The following HK2 variants were observed in gnomAD, a reference collection of about 807,000 sequenced individuals.
HK2 encodes the protein hexokinase-2.
A neutral mutation model predicts 92.9 loss-of-function variants in HK2; 42 were observed. The observed-to-expected ratio is 0.45, with a 90% CI of 0.35 to 0.58. The LOEUF (loss-of-function observed/expected upper bound fraction) is 0.58, where lower values mean the gene tolerates loss of function less well. Ranked by LOEUF, HK2 falls within the 20% of genes least tolerant of loss-of-function variation. The pLI is 0.00. For synonymous variants in HK2, 422 were observed against 468.0 expected (o/e 0.90, Z 1.27); for missense variants, 978 against 1,245.1 (o/e 0.79, Z 3.23).
intron 1 of HK2, among the ~76,000 whole-genome samples, chr2:74,851,537 C>CT (rs1208816808): frequency 6.6e-6 from 1 of 152,152 alleles, no homozygotes; most frequent in Non-Finnish European, 1.5e-5. Context: ...GTAGAATTTG[C>CT]TTTTTTGTGT....
At chr2:74,850,821 T>G (rs538007477) in intron 1 of HK2, among the ~76,000 whole-genome samples, 76 of 152,280 alleles carry the variant, frequency 5.0e-4, no homozygotes, top group Non-Finnish European at 1.0e-3. Context: ...ACTGGTGTGT[T>G]TAGGAAACTG....
rs1689620872 is a variant in HK2, at chr2:74,889,462, T to C, written c.2593T>C (p.Tyr865His). ...KVTVGVDGTL[Y>H]KLHPHFAKVM... Reference sequence around the variant, plus strand: ...GACAGTGGGTGTGGATGGGACCCTCTACAAGCTACATCCTCAGTGAGTGCC... The same window carrying C: ...GACAGTGGGTGTGGATGGGACCCTCCACAAGCTACATCCTCAGTGAGTGCC... The change falls in exon 17 of 18, where the codon TAC (tyrosine) becomes CAC (histidine). Residue 865 changes from tyrosine to histidine, a missense_variant. By Grantham distance (83) the Tyr-to-His change is moderately conservative. Coordinates refer to ENST00000290573, the MANE Select transcript of HK2 (RefSeq NM_000189.5). 1 of 1,609,436 alleles carries C rather than the reference T, an allele frequency of 6.2e-7. No homozygotes were observed. Among genetic ancestry groups the C allele is most frequent in the Non-Finnish European group, 8.5e-7 (1 of 1,177,094 alleles).
intron 2 of HK2, among the ~76,000 whole-genome samples, chr2:74,865,189 A>G (rs1390838448): frequency 6.6e-6 from 1 of 151,990 alleles, no homozygotes; most frequent in Non-Finnish European, 1.5e-5. Flanking sequence ...TGCAGGGAGG[A>G]GGGGTGTCAG....
At chr2:74,886,225 C>A in intron 13 of HK2, 69 bp from the exon 14 acceptor site, 3 of 1,067,504 alleles carry the variant, frequency 2.8e-6, no homozygotes, top group South Asian at 2.5e-5. Flanking sequence ...GTAAATCTCC[C>A]ATGCAATTGT....
Position 74,886,546 on chromosome 2 carries a change from G to C in HK2, c.2092G>C (p.Gly698Arg), listed in dbSNP as rs774046795. The C allele has an allele frequency of 6.2e-7, 1 of 1,614,028 alleles. No homozygotes were observed. The highest frequency in any genetic ancestry group is 1.7e-5 in the Admixed American group (1 of 60,000). The change falls in exon 15 of 18, where the codon GGA becomes CGA. Residue 698 changes from glycine to arginine, a missense_variant. Transcript: ENST00000290573. ...EEMRNVELVE[G>R]EEGRMCVNME... ...GATGCGCAACGTGGAACTGGTGGAA[G>C]GAGAAGAGGGGCGGATGTGTGTGAA...
intron 3 of HK2, among the ~76,000 whole-genome samples, chr2:74,869,052 C>T (rs2103943029): frequency 6.6e-6 from 1 of 151,808 alleles, no homozygotes; most frequent in South Asian, 2.1e-4. Context: ...GCTCAGACCA[C>T]CTAGTTAGAG....
At chr2:74,882,047 G>A in intron 11 of HK2, 73 bp from the exon 12 acceptor site, 1 of 1,490,300 alleles carries the variant, frequency 6.7e-7, no homozygotes, top group Non-Finnish European at 9.4e-7. Flanking sequence ...CATTGATGTT[G>A]TGCGCAGGCC....
intron 13 of HK2, 29 bp downstream of exon 13, chr2:74,885,618 G>A (rs1305453974): frequency 2.9e-6 from 4 of 1,398,790 alleles, no homozygotes; most frequent in African/African-American, 1.4e-5. Context: ...GAGGTCTGAT[G>A]TGTCAGCTCC....
chr2:74,835,523 C>G (rs1471197260), intron 1 of HK2, among the ~76,000 whole-genome samples: 2 of 151,916 alleles, frequency 1.3e-5, no homozygotes, highest in Admixed American at 1.3e-4. Flanking sequence ...TATGGCTGAG[C>G]GCTCACCGCG....
chr2:74,872,339 G>T lies in HK2; in HGVS notation c.415G>T (p.Asp139Tyr), dbSNP rs1188237779. The change falls in exon 4 of 18, where the codon GAT (aspartate) becomes TAT (tyrosine). Residue 139 changes from aspartate (D) to tyrosine (Y), a missense_variant. By Grantham distance (160) the Asp-to-Tyr change is radical (BLOSUM62 -3). Coordinates refer to ENST00000290573, the MANE Select transcript of HK2 (RefSeq NM_000189.5). ...HIAECLANFMDKLQIKDKKLP... is the reference protein window; with the variant it reads ...HIAECLANFMYKLQIKDKKLP... ...TGCCGAATGCCTGGCTAACTTCATGGATAAGCTACAAATCAAAGACAAGAA... is the reference window on the plus strand; with the variant it reads ...TGCCGAATGCCTGGCTAACTTCATGTATAAGCTACAAATCAAAGACAAGAA... 20 of 1,613,974 alleles carry T rather than the reference G, an allele frequency of 1.2e-5. No homozygotes were observed. The South Asian group carries it at 2.0e-4, about 16-fold the overall frequency.
intron 2 of HK2, among the ~76,000 whole-genome samples, chr2:74,857,603 G>A (rs1018373419): frequency 3.3e-5 from 5 of 152,040 alleles, no homozygotes; most frequent in Non-Finnish European, 4.4e-5. Context: ...CCGAAGTTGC[G>A]CCACTGCACT....
At chr2:74,835,056 C>G (rs1474192675) in intron 1 of HK2, 1 of 274,556 alleles carries the variant, frequency 3.6e-6, no homozygotes, top group Non-Finnish European at 7.1e-6. Flanking sequence ...GAGGCTGCTC[C>G]GCTGCCGCGT....
intron 4 of HK2, 53 bp downstream of exon 4, chr2:74,872,472 T>G: frequency 6.2e-7 from 1 of 1,608,716 alleles, no homozygotes; most frequent in South Asian, 1.1e-5. Context: ...CTGGGAGGGC[T>G]GAGAGGGACT....
chr2:74,878,292 A>G (rs1009253001), intron 8 of HK2, among the ~76,000 whole-genome samples: 1 of 152,220 alleles, frequency 6.6e-6, no homozygotes. Context: ...CTCCCCTAAC[A>G]CAAGCAGATG....
intron 7 of HK2, 35 bp downstream of exon 7, chr2:74,874,484 G>A (rs928342968): frequency 2.6e-6 from 4 of 1,559,498 alleles, no homozygotes; most frequent in East Asian, 2.4e-5. Context: ...TGGGCTTGGC[G>A]GGGGCCTGGA....
intron 5 of HK2, 93 bp downstream of exon 5, chr2:74,873,464 A>G: frequency 1.2e-6 from 1 of 833,904 alleles, no homozygotes; most frequent in South Asian, 1.4e-5. Flanking sequence ...TTGTTTGCTT[A>G]CGTGGAGCTT....
chr2:74,852,324 T>C (rs1349349708), intron 1 of HK2, among the ~76,000 whole-genome samples: 2 of 152,190 alleles, frequency 1.3e-5, no homozygotes, highest in South Asian at 2.1e-4. Flanking sequence ...CAGTGTCTCA[T>C]TGGATCTGGA....
chr2:74,882,786 A>G (rs910924726), intron 12 of HK2, among the ~76,000 whole-genome samples: 1 of 151,636 alleles, frequency 6.6e-6, no homozygotes, highest in African/African-American at 2.4e-5. Flanking sequence ...TCCAGGTCAT[A>G]ATAGCTTGGG....
Position 74,885,508 on chromosome 2 carries a change from G to A in HK2, c.1854G>A (p.Lys618=). Reference sequence around the variant, plus strand: ...GTGATTTTTAGAGCATCCTCCTCAAGTGGACAAAAGGCTTCAAGGCATCTG... The same window carrying A: ...GTGATTTTTAGAGCATCCTCCTCAAATGGACAAAAGGCTTCAAGGCATCTG... ...QNSLDESILL[K]WTKGFKASGC... Residue 618 remains lysine (K), a synonymous_variant, in exon 13 of 18, where the codon AAG becomes AAA. Transcript: ENST00000290573. 6.2e-7 allele frequency: 1 copy of A among 1,613,632 alleles called. No homozygotes were observed. Among genetic ancestry groups the A allele is most frequent in the Non-Finnish European group, 8.5e-7 (1 of 1,179,592 alleles).
Sources: allele counts gnomAD v4.1 joint callset (sites outside exome capture counted in the v4.1 genomes callset), GRCh38; gene constraint gnomAD v4.1.1; transcripts MANE v1.5; gene names NCBI Gene and HGNC (gene_info 2026-07-23, HGNC 2026-07-21).